CPS1: variants seen among roughly 807,000 people sequenced by gnomAD.
CPS1 encodes the protein carbamoyl-phosphate synthase 1.
A neutral mutation model predicts 174.6 loss-of-function variants in CPS1; 109 were observed. That is an observed-to-expected ratio of 0.62 (90% CI 0.53 to 0.73). CPS1 has a LOEUF of 0.73. Among genes scored for constraint, CPS1 ranks in the 30% least tolerant of loss-of-function variants. The pLI, the probability that CPS1 is intolerant of heterozygous loss-of-function variation, is 0.00. For missense variants in CPS1, 1,689 were observed against 1,821.9 expected (o/e 0.93, Z 1.33); for synonymous variants, 637 against 632.0 (o/e 1.01, Z -0.12).
intron 1 of CPS1, among the ~76,000 whole-genome samples, chr2:210,479,094 G>A (rs1044466295): frequency 1.4e-4 from 22 of 152,124 alleles, no homozygotes; most frequent in Admixed American, 3.9e-4. Flanking sequence ...AAGAACCATA[G>A]CAAGTGGCCT....
intron 1 of CPS1, among the ~76,000 whole-genome samples, chr2:210,566,380 C>T (rs1479412872): frequency 6.6e-6 from 1 of 152,100 alleles, no homozygotes; most frequent in East Asian, 1.9e-4. Flanking sequence ...GCAAATTGTT[C>T]TCGAAACCTG....
At position 210,639,235 on chromosome 2, in the gene CPS1, C is replaced by T. The variant is rs1328172845; in HGVS notation, c.2895+20C>T. The T allele has an allele frequency of 1.3e-6, 2 of 1,574,132 alleles. No homozygotes were observed. Among genetic ancestry groups the T allele is most frequent in the Non-Finnish European group, 8.7e-7 (1 of 1,144,384 alleles). ...GGTCAGGTAGGAATGGGCAAATTGGCCTATCCAGAAAGCTCTAGATTTCAT... is the reference window on the plus strand; with the variant it reads ...GGTCAGGTAGGAATGGGCAAATTGGTCTATCCAGAAAGCTCTAGATTTCAT... On this transcript the variant is annotated intron_variant, in intron 23 of 37. Coordinates refer to ENST00000233072, the MANE Select transcript of CPS1 (RefSeq NM_001875.5).
At chr2:210,663,478 C>T (rs905796159) in intron 33 of CPS1, among the ~76,000 whole-genome samples, 2 of 152,076 alleles carry the variant, frequency 1.3e-5, no homozygotes, top group African/African-American at 4.8e-5. Context: ...AAGTAAATAT[C>T]TTCTGTGTCT....
At chr2:210,598,167 T>C (rs1698561572) in intron 13 of CPS1, among the ~76,000 whole-genome samples, 1 of 151,678 alleles carries the variant, frequency 6.6e-6, no homozygotes, top group African/African-American at 2.4e-5. Flanking sequence ...TAAGCAAATA[T>C]TGAGGGAATT....
At chr2:210,573,500 G>T in intron 2 of CPS1, 93 bp downstream of exon 2, 1 of 965,476 alleles carries the variant, frequency 1.0e-6, no homozygotes, top group Non-Finnish European at 1.7e-6. Context: ...TCACTGCATC[G>T]TAGTAAGACT....
At chr2:210,603,451 G>A (rs1380248135) in intron 16 of CPS1, among the ~76,000 whole-genome samples, 2 of 151,814 alleles carry the variant, frequency 1.3e-5, no homozygotes, top group Non-Finnish European at 2.9e-5. Context: ...TCACATAAAT[G>A]TTTCTTGTTA....
At chr2:210,632,396 T>C (rs1427070968) in intron 21 of CPS1, among the ~76,000 whole-genome samples, 1 of 152,226 alleles carries the variant, frequency 6.6e-6, no homozygotes, top group East Asian at 1.9e-4. Context: ...CCACAACTAA[T>C]GAATTGTGTC....
At chr2:210,571,318 C>T (rs1368627632) in intron 1 of CPS1, among the ~76,000 whole-genome samples, 1 of 151,788 alleles carries the variant, frequency 6.6e-6, no homozygotes, top group Non-Finnish European at 1.5e-5. Flanking sequence ...TAGTAAAGGA[C>T]AAAATATTTT....
At chr2:210,496,676 A>C (rs561817029) in intron 1 of CPS1, among the ~76,000 whole-genome samples, 1 of 152,276 alleles carries the variant, frequency 6.6e-6, no homozygotes, top group South Asian at 2.1e-4. Flanking sequence ...CCTTAGTTGC[A>C]CTACTCTCTT....
In CPS1 at chr2:210,639,229, A is replaced by G; in HGVS notation, c.2895+14A>G. 6.3e-7 allele frequency: 1 copy of G among 1,593,470 alleles called. No individual in the cohort carries two copies. Among genetic ancestry groups the G allele is most frequent in the Non-Finnish European group, 8.6e-7 (1 of 1,161,640 alleles). On this transcript the variant is annotated intron_variant, in intron 23 of 37. Transcript: ENST00000233072. ...TACAATGGTCAGGTAGGAATGGGCA[A>G]ATTGGCCTATCCAGAAAGCTCTAGA...
intron 1 of CPS1, among the ~76,000 whole-genome samples, chr2:210,505,157 T>A (rs1339144467): frequency 6.6e-6 from 1 of 151,672 alleles, no homozygotes; most frequent in Admixed American, 6.6e-5. Flanking sequence ...TCCAAGGGAG[T>A]ACAATCATAT....
chr2:210,663,658 G>T (rs1285944221), intron 33 of CPS1, among the ~76,000 whole-genome samples: 1 of 148,956 alleles, frequency 6.7e-6, no homozygotes, highest in Admixed American at 6.7e-5. Context: ...AAAATTTTAG[G>T]ACTACTTTTA....
intron 1 of CPS1, among the ~76,000 whole-genome samples, chr2:210,507,535 C>A (rs1367244689): frequency 2.0e-5 from 3 of 151,348 alleles, no homozygotes; most frequent in Non-Finnish European, 4.4e-5. Flanking sequence ...CAATATTAAC[C>A]TTAAATGTAA....
intron 29 of CPS1, among the ~76,000 whole-genome samples, chr2:210,655,795 A>G (rs1395750298): frequency 6.6e-6 from 1 of 152,194 alleles, no homozygotes; most frequent in South Asian, 2.1e-4. Context: ...CAAATCTCTT[A>G]TGTAATTTAT....
intron 1 of CPS1, among the ~76,000 whole-genome samples, chr2:210,491,344 G>T (rs1488893689): frequency 1.1e-5 from 1 of 95,166 alleles, no homozygotes; most frequent in African/African-American, 4.9e-5. Flanking sequence ...TTTTTGAGAC[G>T]GAGTCTTGTT....
intron 6 of CPS1, among the ~76,000 whole-genome samples, chr2:210,584,897 C>A (rs1489208895): frequency 6.6e-6 from 1 of 152,038 alleles, no homozygotes; most frequent in Non-Finnish European, 1.5e-5. Flanking sequence ...CTGCTTCTTA[C>A]AAGGCCTGAA....
At position 210,662,990 on chromosome 2, in the gene CPS1, AGATTTTTTACAT is replaced by A. The variant is rs905127493; in HGVS notation, c.3928-131_3928-120del. 9.9e-5 allele frequency: 85 copies of A among 856,776 alleles called. 1 individual carries two copies. Among genetic ancestry groups the A allele is most frequent in the South Asian group, 8.7e-4 (55 of 63,512 alleles). 53.1% of individuals were successfully genotyped at this position (856,776 alleles called of 1,614,324 possible). On this transcript the variant is annotated intron_variant, in intron 32 of 37. Coordinates refer to ENST00000233072, the MANE Select transcript of CPS1 (RefSeq NM_001875.5). ...TTCAAGTCGGATGCTTGGACCCAAG[AGATTTTTTACAT>A]GTCTACTGTAGCCTAAGTGAACTCT...
At chr2:210,500,979 G>A (rs1009957946) in intron 1 of CPS1, among the ~76,000 whole-genome samples, 1 of 152,162 alleles carries the variant, frequency 6.6e-6, no homozygotes, top group Non-Finnish European at 1.5e-5. Flanking sequence ...TCTAGGTGGA[G>A]GTCCCCAAAC....
intron 6 of CPS1, among the ~76,000 whole-genome samples, chr2:210,587,708 A>G (rs1445801032): frequency 6.6e-6 from 1 of 152,124 alleles, no homozygotes; most frequent in African/African-American, 2.4e-5. Context: ...TCTAGTGCTG[A>G]ATCAGGCAAT....
Sources: allele counts gnomAD v4.1 joint callset (sites outside exome capture counted in the v4.1 genomes callset), GRCh38; gene constraint gnomAD v4.1.1; transcripts MANE v1.5; gene names NCBI Gene and HGNC (gene_info 2026-07-23, HGNC 2026-07-21).